Variants in MPRIP observed in about 807,000 individuals in gnomAD.
MPRIP encodes myosin phosphatase Rho interacting protein.
A neutral mutation model predicts 234.9 loss-of-function variants in MPRIP; 59 were observed. That is an observed-to-expected ratio of 0.25 (90% CI 0.20 to 0.31). The LOEUF is 0.31. Ranked by LOEUF, MPRIP falls within the 10% of genes least tolerant of loss-of-function variation. The pLI is 1.00. For synonymous variants in MPRIP, 1,144 were observed against 1,263.9 expected (o/e 0.91, Z 2.01); for missense variants, 2,436 against 3,071.0 (o/e 0.79, Z 4.89).
chr17:17,172,652 G>A, intron 17 of MPRIP, 46 bp from the exon 18 acceptor site: 1 of 1,508,054 alleles, frequency 6.6e-7, no homozygotes. Flanking sequence ...CCTGTCAGCA[G>A]GAAGGGCGTG....
chr17:17,052,889 A>C (rs1242330823), intron 1 of MPRIP, among the ~76,000 whole-genome samples: 4 of 152,230 alleles, frequency 2.6e-5, no homozygotes, highest in Non-Finnish European at 4.4e-5. Flanking sequence ...TGGATTTAAC[A>C]GACCCACAAG....
intron 13 of MPRIP, among the ~76,000 whole-genome samples, chr17:17,155,772 G>A (rs1311388888): frequency 6.6e-6 from 1 of 152,226 alleles, no homozygotes; most frequent in Non-Finnish European, 1.5e-5. Context: ...GAGCTGGCTT[G>A]TTGTCTAGTG....
chr17:17,095,402 A>G (rs966154064), intron 3 of MPRIP, among the ~76,000 whole-genome samples: 4 of 152,168 alleles, frequency 2.6e-5, no homozygotes, highest in Non-Finnish European at 5.9e-5. Flanking sequence ...GAGAGACCCT[A>G]GAATGTCCGC....
chr17:17,061,304 A>G (rs1378248846), intron 1 of MPRIP, among the ~76,000 whole-genome samples: 1 of 152,174 alleles, frequency 6.6e-6, no homozygotes, highest in Non-Finnish European at 1.5e-5. Context: ...CATGATTTAC[A>G]AGCTTAGAAA....
At chr17:17,071,053 C>T (rs538183071) in intron 1 of MPRIP, among the ~76,000 whole-genome samples, 3 of 152,300 alleles carry the variant, frequency 2.0e-5, no homozygotes, top group East Asian at 3.9e-4. Context: ...CTCCTCTGGG[C>T]GCCCTCTGAC....
At chr17:17,092,632 T>G (rs2089745899) in intron 3 of MPRIP, among the ~76,000 whole-genome samples, 1 of 152,182 alleles carries the variant, frequency 6.6e-6, no homozygotes, top group African/African-American at 2.4e-5. Flanking sequence ...TGCGCTGAGC[T>G]CCTTCACTGT....
intron 1 of MPRIP, among the ~76,000 whole-genome samples, chr17:17,072,458 G>C (rs954743203): frequency 6.6e-6 from 1 of 152,140 alleles, no homozygotes; most frequent in Non-Finnish European, 1.5e-5. Context: ...GGGTGGGGGT[G>C]GGGGGCAAGA....
chr17:17,155,662 A>C (rs2045713269), intron 13 of MPRIP, among the ~76,000 whole-genome samples: 1 of 152,250 alleles, frequency 6.6e-6, no homozygotes, highest in Non-Finnish European at 1.5e-5. Flanking sequence ...TGTGTCTGTC[A>C]TTTGTTCATG....
At chr17:17,109,607 A>G (rs2090129729) in intron 3 of MPRIP, among the ~76,000 whole-genome samples, 1 of 152,192 alleles carries the variant, frequency 6.6e-6, no homozygotes, top group Non-Finnish European at 1.5e-5. Flanking sequence ...CAGGTTATAT[A>G]CACCTCTATT....
Position 17,185,594 on chromosome 17 carries a change from T to C in MPRIP, c.*700T>C, listed in dbSNP as rs913953331. 2 of 456,258 alleles carry C rather than the reference T, an allele frequency of 4.4e-6. No homozygotes were observed. The highest frequency in any genetic ancestry group is 8.8e-6 in the Non-Finnish European group (2 of 226,904). The allele number at this position is 456,258 out of a possible 1,614,324, so 28.3% of individuals were successfully genotyped here. Reference sequence around the variant, plus strand: ...CCCTCTCCTTCCTTCCTTCCTTCCTTCCTCCGCTCGTTCCTTTCTTGGTCT... The same window carrying C: ...CCCTCTCCTTCCTTCCTTCCTTCCTCCCTCCGCTCGTTCCTTTCTTGGTCT... On this transcript the variant is annotated 3_prime_UTR_variant, in exon 24 of 24. Coordinates refer to ENST00000651222, the MANE Select transcript of MPRIP (RefSeq NM_001364716.4).
chr17:17,096,089 C>T (rs957389126), intron 3 of MPRIP, among the ~76,000 whole-genome samples: 1 of 152,144 alleles, frequency 6.6e-6, no homozygotes, highest in African/African-American at 2.4e-5. Flanking sequence ...TAACTGGAGG[C>T]CCCTCTGTGT....
intron 1 of MPRIP, among the ~76,000 whole-genome samples, chr17:17,075,122 T>C (rs2089297451): frequency 6.6e-6 from 1 of 152,188 alleles, no homozygotes; most frequent in Middle Eastern, 3.2e-3. Flanking sequence ...CTGATTGCAT[T>C]ATCTCATCAG....
At chr17:17,162,130 G>C (rs1368134134) in intron 15 of MPRIP, among the ~76,000 whole-genome samples, 2 of 152,214 alleles carry the variant, frequency 1.3e-5, no homozygotes, top group Non-Finnish European at 2.9e-5. Flanking sequence ...TACCAGAACA[G>C]GGAGCCTAAG....
At chr17:17,095,995 T>TCCC (rs138116019) in intron 3 of MPRIP, among the ~76,000 whole-genome samples, 12,145 of 151,424 alleles carry the variant, frequency 0.08, 672 homozygotes, top group East Asian at 0.16. Flanking sequence ...AGTTTATACC[T>TCCC]CCCCCCCACA....
chr17:17,072,874 C>T (rs776775481), intron 1 of MPRIP, among the ~76,000 whole-genome samples: 5 of 152,188 alleles, frequency 3.3e-5, no homozygotes, highest in African/African-American at 1.2e-4. Flanking sequence ...CTCTCCACCC[C>T]AGGCCTCCCC....
At chr17:17,176,545 G>A (rs373180572) in intron 21 of MPRIP, 33 bp downstream of exon 21, 23 of 1,543,056 alleles carry the variant, frequency 1.5e-5, no homozygotes, top group Non-Finnish European at 1.9e-5. Context: ...GGGCGGGTAC[G>A]GGAACAGGCT....
intron 5 of MPRIP, among the ~76,000 whole-genome samples, chr17:17,133,264 CTCCTT>C (rs916989425): frequency 2.2e-4 from 34 of 152,358 alleles, no homozygotes; most frequent in African/African-American, 8.2e-4. Flanking sequence ...TGCGGGGTCT[CTCCTT>C]TCTACCCTTT....
At chr17:17,072,688 C>T (rs2089225696) in intron 1 of MPRIP, among the ~76,000 whole-genome samples, 4 of 152,174 alleles carry the variant, frequency 2.6e-5, no homozygotes, top group South Asian at 2.1e-4. Flanking sequence ...GCGCAGCCCA[C>T]GTGGCTGGCT....
rs368940363 is a variant in MPRIP, at chr17:17,158,962, G to A, written c.2360G>A (p.Arg787Gln). 112 of 1,612,660 alleles carry A rather than the reference G, an allele frequency of 6.9e-5. No individual in the cohort carries two copies. The highest frequency in any genetic ancestry group is 1.7e-4 in the Middle Eastern group (1 of 6,038). The change falls in exon 14 of 24, where the codon CGG becomes CAG. Residue 787 changes from arginine (R) to glutamine (Q), a missense_variant. Coordinates refer to ENST00000651222, the MANE Select transcript of MPRIP (RefSeq NM_001364716.4). The part of the protein sequence containing the change: ...VHLSSEDGGD[R>Q]LSTHELTSLL... ...CTGTCTTCTGAAGATGGGGGTGACC[G>A]GCTCTCCACACACGAGCTGACCTCT...
Sources: allele counts gnomAD v4.1 joint callset (sites outside exome capture counted in the v4.1 genomes callset), GRCh38; gene constraint gnomAD v4.1.1; transcripts MANE v1.5; gene names NCBI Gene and HGNC (gene_info 2026-07-23, HGNC 2026-07-21).